Variants in TFDP2 observed in about 807,000 individuals in gnomAD.
TFDP2 encodes transcription factor Dp-2 (E2F dimerization partner 2).
In TFDP2, 17 loss-of-function variants were observed where a neutral mutation model predicts 59.3. The ratio of observed to expected loss-of-function variants is 0.29; its 90% CI spans 0.20 to 0.43. TFDP2 has a LOEUF of 0.43. Among genes scored for constraint, TFDP2 ranks in the 20% least tolerant of loss-of-function variants. The pLI is 1.00. For synonymous variants in TFDP2, 180 were observed against 194.7 expected, an observed-to-expected ratio of 0.92 and a Z score of 0.63; for missense variants, 391 against 528.8, an observed-to-expected ratio of 0.74 and a Z score of 2.56.
intron 1 of TFDP2, among the ~76,000 whole-genome samples, chr3:142,137,179 CTCTG>C (rs538813139): frequency 5.2e-4 from 79 of 152,004 alleles, no homozygotes; most frequent in African/African-American, 1.6e-3. Context: ...TGATTTGGCT[CTCTG>C]TCTGTTATTG....
chr3:141,981,756 A>G (rs1207447031), intron 6 of TFDP2, among the ~76,000 whole-genome samples: 2 of 152,220 alleles, frequency 1.3e-5, no homozygotes, highest in Admixed American at 1.3e-4. Context: ...GAAATTTATG[A>G]GGCAAAAGCA....
At chr3:141,976,405 A>G (rs1940646098) in intron 7 of TFDP2, among the ~76,000 whole-genome samples, 1 of 152,248 alleles carries the variant, frequency 6.6e-6, no homozygotes, top group South Asian at 2.1e-4. Flanking sequence ...AGCAGTGAAT[A>G]AAGAGAAAAA....
At chr3:142,066,753 T>C (rs2060086327) in intron 3 of TFDP2, among the ~76,000 whole-genome samples, 1 of 152,204 alleles carries the variant, frequency 6.6e-6, no homozygotes, top group South Asian at 2.1e-4. Context: ...GGACTAAAAA[T>C]AATACAAAAC....
At chr3:142,020,115 A>G (rs536847546) in intron 3 of TFDP2, among the ~76,000 whole-genome samples, 1 of 152,348 alleles carries the variant, frequency 6.6e-6, no homozygotes, top group Non-Finnish European at 1.5e-5. Flanking sequence ...AAATGATTTC[A>G]CAACCTTAAG....
chr3:142,064,073 C>T (rs2060000836), intron 3 of TFDP2, among the ~76,000 whole-genome samples: 1 of 152,184 alleles, frequency 6.6e-6, no homozygotes, highest in African/African-American at 2.4e-5. Context: ...TGTGCCTCAG[C>T]TATCCAAGTA....
chr3:142,127,236 T>A (rs534414427), intron 1 of TFDP2, among the ~76,000 whole-genome samples: 1 of 148,734 alleles, frequency 6.7e-6, no homozygotes, highest in South Asian at 2.1e-4. Context: ...ATTACAGGTA[T>A]CTATATCTCA....
chr3:142,043,937 G>A (rs1947171899), intron 3 of TFDP2: 3 of 811,006 alleles, frequency 3.7e-6, no homozygotes, highest in African/African-American at 1.7e-5. Flanking sequence ...TCTGGCATTC[G>A]CGCATTGGCT....
intron 11 of TFDP2, among the ~76,000 whole-genome samples, chr3:141,956,957 C>G (rs1424702668): frequency 9.9e-6 from 1 of 101,466 alleles, no homozygotes; most frequent in Non-Finnish European, 1.9e-5. Flanking sequence ...CCACAAAAAT[C>G]ACAGCGAGAT....
chr3:142,130,294 T>C (rs1179733192), intron 1 of TFDP2, among the ~76,000 whole-genome samples: 2 of 152,176 alleles, frequency 1.3e-5, no homozygotes, highest in South Asian at 2.1e-4. Flanking sequence ...ATATGCTACA[T>C]TGATGAACTG....
At chr3:142,026,182 C>T (rs1177198862) in intron 3 of TFDP2, among the ~76,000 whole-genome samples, 4 of 151,908 alleles carry the variant, frequency 2.6e-5, no homozygotes, top group African/African-American at 9.7e-5. Flanking sequence ...GATGAAACCC[C>T]ATCTCTACTA....
At chr3:142,038,689 A>G (rs1300695209) in intron 3 of TFDP2, among the ~76,000 whole-genome samples, 2 of 152,180 alleles carry the variant, frequency 1.3e-5, no homozygotes, top group Non-Finnish European at 2.9e-5. Context: ...AAAAATTACA[A>G]TTAATGTTTT....
intron 1 of TFDP2, among the ~76,000 whole-genome samples, chr3:142,139,548 G>A (rs1303161293): frequency 6.6e-6 from 1 of 152,116 alleles, no homozygotes; most frequent in African/African-American, 2.4e-5. Flanking sequence ...AGGAGTTCTT[G>A]TAAGGCAGGC....
In TFDP2 at chr3:142,079,396, T is replaced by A. The variant is rs114862084; in HGVS notation, c.82+13665A>T. 1.1e-3 allele frequency among the ~76,000 whole-genome samples: 173 copies of A among 152,084 alleles called. 2 individuals carry two copies. The highest frequency in any genetic ancestry group is 4.0e-3 in the African/African-American group (165 of 41,500). On this transcript the variant is annotated intron_variant, in intron 3 of 12. Transcript: ENST00000489671. ...CACCTACAAGATCTAGAAAATAGCC[T>A]CCAAAAAAGCAAATCTAAAAGTTGT...
At chr3:142,117,323 A>G (rs1372695279) in intron 1 of TFDP2, among the ~76,000 whole-genome samples, 1 of 152,148 alleles carries the variant, frequency 6.6e-6, no homozygotes, top group Non-Finnish European at 1.5e-5. Context: ...ATAAACCACA[A>G]GAATTTTTAA....
At chr3:142,067,177 A>G (rs1273313804) in intron 3 of TFDP2, among the ~76,000 whole-genome samples, 1 of 152,204 alleles carries the variant, frequency 6.6e-6, no homozygotes, top group South Asian at 2.1e-4. Context: ...AAGCAATTAT[A>G]TATCTATATG....
chr3:142,044,652 T>C lies in TFDP2; in HGVS notation c.83-39108A>G, dbSNP rs574974385. Among the ~76,000 whole-genome samples, 25 of 152,306 alleles carry C rather than the reference T, an allele frequency of 1.6e-4. 1 individual carries two copies. In the South Asian group the frequency reaches 5.2e-3, roughly 32 times the overall value. On this transcript the variant is annotated intron_variant, in intron 3 of 12. Coordinates refer to ENST00000489671, the MANE Select transcript of TFDP2 (RefSeq NM_001178139.2). The stretch of plus-strand genomic sequence containing the variant: ...TCCCAAAGTGCTGGGATTACAGGCG[T>C]GAGCCACCGTGCCCGGCCCTAAATA...
intron 1 of TFDP2, among the ~76,000 whole-genome samples, chr3:142,143,807 C>T (rs1000518231): frequency 9.9e-5 from 15 of 152,216 alleles, no homozygotes; most frequent in South Asian, 6.2e-4. Context: ...TTGATGGGAA[C>T]GTAAATTAGT....
chr3:142,030,508 C>A (rs1004870721), intron 3 of TFDP2, among the ~76,000 whole-genome samples: 3 of 152,122 alleles, frequency 2.0e-5, no homozygotes, highest in Admixed American at 2.0e-4. Context: ...CATTTGGAAA[C>A]AATTTTAAAC....
chr3:141,994,409 A>T (rs1365666119), intron 5 of TFDP2: 3 of 152,206 alleles, frequency 2.0e-5, no homozygotes, highest in Non-Finnish European at 4.4e-5. Flanking sequence ...TGAGTAATTT[A>T]TCTTACTTAT....
Sources: gnomAD v4.1 joint callset for allele counts (sites outside exome capture counted in the v4.1 genomes callset) on GRCh38, gnomAD v4.1.1 for gene constraint, MANE v1.5 for transcripts, NCBI Gene and HGNC (gene_info 2026-07-23, HGNC 2026-07-21) for gene names.